TMPRSS15: variants seen among roughly 807,000 people sequenced by gnomAD.
TMPRSS15 encodes the protein enteropeptidase.
A neutral mutation model predicts 125.3 loss-of-function variants in TMPRSS15; 128 were observed. The ratio of observed to expected loss-of-function variants is 1.02; its 90% CI spans 0.89 to 1.18. The LOEUF is 1.18. Among genes scored for constraint, TMPRSS15 ranks in the 50% most tolerant of loss-of-function variants. TMPRSS15 has a pLI of 0.00. For synonymous variants in TMPRSS15, 446 were observed against 423.2 expected, an observed-to-expected ratio of 1.05 and a Z score of -0.66; for missense variants, 1,283 against 1,212.7, an observed-to-expected ratio of 1.06 and a Z score of -0.86.
intron 18 of TMPRSS15, among the ~76,000 whole-genome samples, chr21:18,304,561 CT>C (rs2075009403): frequency 6.6e-6 from 1 of 152,128 alleles, no homozygotes; most frequent in Non-Finnish European, 1.5e-5. Flanking sequence ...TAACTTTAAT[CT>C]CTTCTTCTGA....
intron 24 of TMPRSS15, among the ~76,000 whole-genome samples, chr21:18,271,973 T>TATCA (rs2074562602): frequency 6.6e-6 from 1 of 151,506 alleles, no homozygotes; most frequent in South Asian, 2.1e-4. Flanking sequence ...TTATTCAGTC[T>TATCA]ATCATTGATG....
chr21:18,327,131 T>C lies in TMPRSS15; in HGVS notation c.1781-559A>G, dbSNP rs769681632. On this transcript the variant is annotated intron_variant, in intron 15 of 24. Transcript: ENST00000284885. ...ATATTTCAGCTAATTAAAAAATACA[T>C]TTATTAAGAAAGTTTTATATGTTGG... Among the ~76,000 whole-genome samples the C allele has an allele frequency of 2.0e-5, 3 of 152,182 alleles. No homozygotes were observed. The East Asian group carries it at 5.8e-4, about 29-fold the overall frequency.
At chr21:18,314,588 A>G (rs1485039690) in intron 17 of TMPRSS15, among the ~76,000 whole-genome samples, 1 of 152,052 alleles carries the variant, frequency 6.6e-6, no homozygotes, top group Non-Finnish European at 1.5e-5. Context: ...AGCTATACCT[A>G]ATTCTTGTTG....
intron 3 of TMPRSS15, among the ~76,000 whole-genome samples, chr21:18,389,303 A>T (rs1476621122): frequency 2.0e-5 from 3 of 152,038 alleles, no homozygotes; most frequent in Non-Finnish European, 4.4e-5. Context: ...CTTTTTGCAT[A>T]AAAAGATAAA....
At chr21:18,313,675 T>A (rs1999289) in intron 17 of TMPRSS15, among the ~76,000 whole-genome samples, 47,967 of 151,630 alleles carry the variant, frequency 0.32, 8,715 homozygotes, top group East Asian at 0.6. Flanking sequence ...TGATGGAAGG[T>A]CTAATTTGAA....
At position 18,462,336 on chromosome 21, in the gene TMPRSS15, A is replaced by C. The variant is rs1458611583; in HGVS notation, c.10+23463T>G. 3.9e-5 allele frequency among the ~76,000 whole-genome samples: 6 copies of C among 152,314 alleles called. No homozygotes were observed. In the East Asian group the frequency reaches 1.2e-3, roughly 29 times the overall value. On this transcript the variant is annotated intron_variant, in intron 1 of 7. Coordinates refer to the TMPRSS15 transcript ENST00000422787. ...GTTTGTTTCTACAAATCGTTGCTAC[A>C]TACAAGAAAGTGTGATGTAGACTAG...
At chr21:18,405,772 A>G (rs1180456761), upstream of TMPRSS15, among the ~76,000 whole-genome samples, 1 of 152,198 alleles carries the variant, frequency 6.6e-6, no homozygotes, top group African/African-American at 2.4e-5. Flanking sequence ...ATATATAAAA[A>G]GCACGGAAAA....
At chr21:18,361,775 G>C (rs1259700383) in intron 7 of TMPRSS15, among the ~76,000 whole-genome samples, 1 of 152,064 alleles carries the variant, frequency 6.6e-6, no homozygotes, top group Admixed American at 6.6e-5. Context: ...TAGTGCAATG[G>C]CAGCTACTAG....
At chr21:18,377,809 G>T (rs1379876153) in intron 5 of TMPRSS15, among the ~76,000 whole-genome samples, 1 of 152,024 alleles carries the variant, frequency 6.6e-6, no homozygotes, top group Non-Finnish European at 1.5e-5. Context: ...GAAAAATATG[G>T]GTGGCATACT....
chr21:18,420,040 G>A lies in TMPRSS15; in HGVS notation c.11-21711C>T, dbSNP rs117285268. Among the ~76,000 whole-genome samples the A allele has an allele frequency of 2.5e-4, 38 of 152,260 alleles. No individual in the cohort carries two copies. In the East Asian group the frequency reaches 6.6e-3, roughly 26 times the overall value. ...GTCATTTTTTTAAATGTAGCATACC[G>A]TAGCCTAGCCTGAGTGATATGGTAA... On this transcript the variant is annotated intron_variant, in intron 1 of 7. Coordinates refer to the TMPRSS15 transcript ENST00000422787.
intron 18 of TMPRSS15, among the ~76,000 whole-genome samples, chr21:18,307,039 T>C (rs1438930340): frequency 6.6e-6 from 1 of 152,180 alleles, no homozygotes; most frequent in Non-Finnish European, 1.5e-5. Flanking sequence ...TTTTAATAAA[T>C]TGACTATCAA....
At chr21:18,301,166 G>A (rs931252134) in intron 18 of TMPRSS15, among the ~76,000 whole-genome samples, 8 of 152,202 alleles carry the variant, frequency 5.3e-5, no homozygotes, top group Non-Finnish European at 7.4e-5. Context: ...CATAAGAGTA[G>A]GGTATAGGGC....
intron 17 of TMPRSS15, 69 bp downstream of exon 17, chr21:18,315,076 TC>T (rs2075147162): frequency 8.3e-7 from 1 of 1,206,028 alleles, no homozygotes; most frequent in African/African-American, 1.5e-5. Context: ...TTATAATCTT[TC>T]TTTGACACTG....
At chr21:18,476,482 T>A (rs918724178) in intron 1 of TMPRSS15, among the ~76,000 whole-genome samples, 2 of 152,180 alleles carry the variant, frequency 1.3e-5, no homozygotes, top group Non-Finnish European at 2.9e-5. Flanking sequence ...TGCAATCTGT[T>A]TAACAGGAGA....
rs187731223 is a variant in TMPRSS15 at position 18,442,403 on chromosome 21, A to G, written c.10+43396T>C. On this transcript the variant is annotated intron_variant, in intron 1 of 7. Coordinates refer to the TMPRSS15 transcript ENST00000422787. ...TGTAAACCAGACAAATGTTTTCTGT[A>G]CTTTTTTCTCCTTACATATATTTTT... 9.3e-3 allele frequency among the ~76,000 whole-genome samples: 1,420 copies of G among 152,300 alleles called. 27 individuals are homozygous for G. The highest frequency in any genetic ancestry group is 0.032 in the African/African-American group (1,324 of 41,564).
rs199604676 is a variant in TMPRSS15 at position 18,424,706 on chromosome 21, GT to G, written c.11-26378del. On this transcript the variant is annotated intron_variant, in intron 1 of 7. Transcript: ENST00000422787. The stretch of plus-strand genomic sequence containing the variant: ...TGTGCAAATGAATGCATTATTCTTT[GT>G]AAAAAAGTTATGAGCCATAAAGTAA... Among the ~76,000 whole-genome samples the G allele has an allele frequency of 5.5e-3, 832 of 152,098 alleles. 5 individuals are homozygous for G. Among genetic ancestry groups the G allele is most frequent in the African/African-American group, 0.019 (806 of 41,514 alleles).
chr21:18,467,937 T>C (rs1978699829), intron 1 of TMPRSS15, among the ~76,000 whole-genome samples: 1 of 151,926 alleles, frequency 6.6e-6, no homozygotes, highest in African/African-American at 2.4e-5. Flanking sequence ...TTTAGTTTTT[T>C]AAAACAGAAG....
In TMPRSS15 at chr21:18,331,417, G is replaced by T. The variant is rs189914152; in HGVS notation, c.1654+667C>A. 3.5e-3 allele frequency among the ~76,000 whole-genome samples: 532 copies of T among 152,228 alleles called. 3 individuals are homozygous for T. The highest frequency in any genetic ancestry group is 0.012 in the African/African-American group (510 of 41,558). On this transcript the variant is annotated intron_variant, in intron 14 of 24. Coordinates refer to ENST00000284885, the MANE Select transcript of TMPRSS15 (RefSeq NM_002772.3). ...TGGAACCTTTGTAGGATGGGCTAGG[G>T]AATCTGCATCTCCAACACAATCTTT...
intron 21 of TMPRSS15, among the ~76,000 whole-genome samples, chr21:18,285,286 C>T (rs780256043): frequency 3.9e-5 from 6 of 152,140 alleles, no homozygotes; most frequent in South Asian, 2.1e-4. Flanking sequence ...ATAACTTCAC[C>T]ACTCTAGGCA....
Sources: gnomAD v4.1 joint callset for allele counts (sites outside exome capture counted in the v4.1 genomes callset) on GRCh38, gnomAD v4.1.1 for gene constraint, MANE v1.5 for transcripts, NCBI Gene and HGNC (gene_info 2026-07-23, HGNC 2026-07-21) for gene names.